STS: variants seen among roughly 807,000 people sequenced by gnomAD.
The protein encoded by STS is steryl-sulfatase.
In STS, 7 loss-of-function variants were observed where a neutral mutation model predicts 26.8. The observed-to-expected ratio is 0.26, with a 90% confidence interval of 0.15 to 0.49. STS has a LOEUF of 0.49. Among genes scored for constraint, STS ranks in the 20% least tolerant of loss-of-function variants. The pLI is 0.98. For missense variants in STS, 434 were observed against 465.6 expected (o/e 0.93, Z 0.63); for synonymous variants, 199 against 189.4 (o/e 1.05, Z -0.42).
intron 2 of STS, among the ~76,000 whole-genome samples, chrX:7,191,285 T>G (rs765709350): frequency 8.0e-5 from 9 of 112,102 alleles, no homozygotes. Flanking sequence ...GCAGCGTGCA[T>G]AATCTGATGA....
intron 8 of STS, among the ~76,000 whole-genome samples, chrX:7,319,998 A>T (rs865809933): frequency 7.8e-4 from 67 of 86,081 alleles, no homozygotes; most frequent in African/African-American, 2.5e-3. Context: ...TTATATATAT[A>T]TTTTTATATA....
chrX:7,199,371 C>T (rs1470593612), intron 2 of STS, among the ~76,000 whole-genome samples: 2 of 111,839 alleles, frequency 1.8e-5, no homozygotes, highest in Admixed American at 1.9e-4. Flanking sequence ...TAGTATAATA[C>T]TTGTGTTAAT....
Position 7,259,586 on chromosome X carries a change from C to A in STS, c.620C>A (p.Pro207His). The A allele has an allele frequency of 3.3e-6, 4 of 1,211,622 alleles. No individual in the cohort carries two copies. The highest frequency in any genetic ancestry group is 4.5e-6 in the Non-Finnish European group (4 of 895,418). ...ALNCLGLLHV[P>H]LGVFFSLLFL... ...AATTGTCTGGGGCTACTCCACGTGC[C>A]TCTAGGCGTTTTTTTCAGCCTTCTC... The change falls in exon 6 of 11, where the codon CCT (proline) becomes CAT (histidine). Residue 207 changes from proline to histidine, a missense_variant. Physicochemically the swap from Pro to His is moderately conservative, Grantham distance 77. This residue lies in a region of STS where 229 missense variants were observed against 288.3 expected (regional missense o/e 0.79). Transcript: ENST00000674429.
intron 1 of STS, among the ~76,000 whole-genome samples, chrX:7,153,063 C>T (rs1160220312): frequency 8.9e-6 from 1 of 111,820 alleles, no homozygotes; most frequent in African/African-American, 3.3e-5. Flanking sequence ...ACCATGCATT[C>T]GAATTTCCTC....
At chrX:7,341,682 C>T (rs1168227387) in intron 10 of STS, among the ~76,000 whole-genome samples, 1 of 111,678 alleles carries the variant, frequency 9.0e-6, no homozygotes, top group African/African-American at 3.3e-5. Flanking sequence ...GGGTAGGTCC[C>T]GAGGGGACTG....
chrX:7,347,255 A>C (rs1928567319), intron 10 of STS, among the ~76,000 whole-genome samples: 1 of 111,498 alleles, frequency 9.0e-6, no homozygotes, highest in Non-Finnish European at 1.9e-5. Flanking sequence ...CTTGTGAGCC[A>C]CTGTACAATA....
chrX:7,279,279 GAAA>G (rs1224859237), intron 7 of STS, among the ~76,000 whole-genome samples: 10 of 47,230 alleles, frequency 2.1e-4, no homozygotes, highest in African/African-American at 9.6e-4. Flanking sequence ...ACTCCAGGAA[GAAA>G]AAAAAAAAAA....
chrX:7,220,969 C>T (rs372453401), intron 2 of STS, among the ~76,000 whole-genome samples: 2 of 111,725 alleles, frequency 1.8e-5, no homozygotes, highest in African/African-American at 6.5e-5. Context: ...GGTCTGACTT[C>T]GTGTAAACAG....
intron 9 of STS, among the ~76,000 whole-genome samples, chrX:7,326,163 C>T (rs764820588): frequency 2.7e-5 from 3 of 110,222 alleles, no homozygotes; most frequent in African/African-American, 9.9e-5. Flanking sequence ...GCACTGAGGC[C>T]ACTGCTGAGG....
intron 7 of STS, among the ~76,000 whole-genome samples, chrX:7,304,295 T>C (rs1207230868): frequency 8.0e-5 from 9 of 112,073 alleles, no homozygotes; most frequent in Non-Finnish European, 1.1e-4. Context: ...TAATATGTAA[T>C]AAAATTCTCT....
At chrX:7,287,662 ATTTTT>A (rs1484617393) in intron 7 of STS, among the ~76,000 whole-genome samples, 1 of 99,123 alleles carries the variant, frequency 1.0e-5, no homozygotes, top group Non-Finnish European at 2.1e-5. Context: ...CTTTTTTAAA[ATTTTT>A]TTATTTTTTA....
chrX:7,315,367 G>A (rs146876661), intron 8 of STS, among the ~76,000 whole-genome samples: 4,337 of 111,773 alleles, frequency 0.039, 189 homozygotes, highest in African/African-American at 0.13. Flanking sequence ...TAATGAAATC[G>A]GAGAGGCTTG....
chrX:7,232,133 G>T (rs1340199172), intron 2 of STS, among the ~76,000 whole-genome samples: 2 of 111,610 alleles, frequency 1.8e-5, no homozygotes, highest in African/African-American at 6.5e-5. Context: ...AGGGTAAGTG[G>T]AAATTTTTAG....
chrX:7,187,187 G>A (rs187333045), intron 1 of STS, among the ~76,000 whole-genome samples: 3 of 112,307 alleles, frequency 2.7e-5, no homozygotes, highest in Non-Finnish European at 3.8e-5. Context: ...CACAAAGGAC[G>A]TTCTCTGTGC....
chrX:7,259,830 C>T (rs1923646957), intron 6 of STS, 58 bp downstream of exon 6: 12 of 1,161,487 alleles, frequency 1.0e-5, no homozygotes, highest in Admixed American at 2.2e-5. Context: ...GGTTATTTCT[C>T]GTGGAGGTGG....
At chrX:7,182,962 G>A in intron 1 of STS, among the ~76,000 whole-genome samples, 1 of 111,228 alleles carries the variant, frequency 9.0e-6, no homozygotes, top group Non-Finnish European at 1.9e-5. Context: ...GAGTAGGGTG[G>A]GCCCCATCCA....
rs776640072 is a variant in STS, at chrX:7,269,748, C to A, written c.807-6203C>A. 6.3e-5 allele frequency among the ~76,000 whole-genome samples: 7 copies of A among 111,325 alleles called. No homozygotes were observed. The East Asian group carries it at 2.0e-3, about 32-fold the overall frequency. ...CTGCACGCAGAGGTGGTCACATGAACTTTGTGGGGGTTGGGGGTGGCGGTT... is the reference window on the plus strand; with the variant it reads ...CTGCACGCAGAGGTGGTCACATGAAATTTGTGGGGGTTGGGGGTGGCGGTT... On this transcript the variant is annotated intron_variant, in intron 6 of 10. Transcript: ENST00000674429.
chrX:7,192,650 G>A (rs1933897973), intron 2 of STS, among the ~76,000 whole-genome samples: 1 of 112,119 alleles, frequency 8.9e-6, no homozygotes, highest in Non-Finnish European at 1.9e-5. Flanking sequence ...AAAATGTGGT[G>A]AAGACCTGGA....
intron 1 of STS, among the ~76,000 whole-genome samples, chrX:7,181,751 G>C (rs191373410): frequency 8.9e-6 from 1 of 111,963 alleles, no homozygotes; most frequent in African/African-American, 3.2e-5. Flanking sequence ...TGTTCTATGG[G>C]TAGATATTGC....
Sources: gnomAD v4.1 joint callset for allele counts (sites outside exome capture counted in the v4.1 genomes callset) on GRCh38, gnomAD v4.1.1 for gene constraint, gnomAD v4.1.1 regional missense constraint, MANE v1.5 for transcripts, NCBI Gene and HGNC (gene_info 2026-07-23, HGNC 2026-07-21) for gene names.